Variants in ZNHIT2 observed in about 807,000 individuals in gnomAD.
The protein encoded by ZNHIT2 is zinc finger HIT domain-containing protein 2.
A neutral mutation model predicts 18.0 loss-of-function variants in ZNHIT2; 16 were observed. The observed-to-expected ratio is 0.89, with a 90% CI of 0.60 to 1.35. ZNHIT2 has a LOEUF of 1.35. Among genes scored for constraint, ZNHIT2 ranks in the 40% most tolerant of loss-of-function variants. ZNHIT2 has a pLI of 0.00. For missense variants in ZNHIT2, 631 were observed against 566.4 expected, an observed-to-expected ratio of 1.11 and a Z score of -1.16; for synonymous variants, 336 against 269.8, an observed-to-expected ratio of 1.25 and a Z score of -2.41.
rs1546532 is a variant in ZNHIT2 at position 65,116,580 on chromosome 11, G to A, written c.1074C>T (p.Ala358=). 1,487,207 of 1,602,710 alleles carry A rather than the reference G, an allele frequency of 0.93. 691,227 individuals are homozygous for A. The highest frequency in any genetic ancestry group is 0.96 in the Middle Eastern group (5,813 of 6,028). The change falls in exon 1 of 1, where the codon GCC becomes GCT. Residue 358 remains alanine (A), a synonymous_variant. Coordinates refer to ENST00000310597, the MANE Select transcript of ZNHIT2 (RefSeq NM_014205.4). Reference sequence around the variant, plus strand: ...CTTGGTGAGCCCTGGCGCAGTCTAGGGCCAGGGGTGTGAGGGCCGCCTCAT... The same window carrying A: ...CTTGGTGAGCCCTGGCGCAGTCTAGAGCCAGGGGTGTGAGGGCCGCCTCAT... ...NENEAALTPL[A]LDCARAHQAH... is the part of the protein sequence containing the mutation.
At position 65,117,483 on chromosome 11, in the gene ZNHIT2, G is replaced by A; in HGVS notation, c.171C>T (p.Cys57=). 6.4e-7 allele frequency: 1 copy of A among 1,568,972 alleles called. No individual in the cohort carries two copies. Among genetic ancestry groups the A allele is most frequent in the Non-Finnish European group, 8.6e-7 (1 of 1,166,696 alleles). ...RDQVLGELRG[C]SAPPSRLASA... ...TTGCTAGGCGGCTGGGAGGAGCGCT[G>A]CAACCGCGGAGCTCTCCCAGCACCT... Residue 57 remains cysteine (C), a synonymous_variant, in exon 1 of 1, where the codon TGC becomes TGT. Transcript: ENST00000310597.
At position 65,117,559 on chromosome 11, in the gene ZNHIT2, AGCGAGCAGTAGG is replaced by A. The variant is rs1387301835; in HGVS notation, c.83_94del (p.Pro28_Ser31del). The A allele has an allele frequency of 7.6e-6, 12 of 1,586,250 alleles. No individual in the cohort carries two copies. Among genetic ancestry groups the A allele is most frequent in the Non-Finnish European group, 1.0e-5 (12 of 1,173,930 alleles). On this transcript the variant is annotated inframe_deletion, in exon 1 of 1. Transcript: ENST00000310597. ...GGTGCCATGCGTCCGGTAGCAGCGCAGCGAGCAGTAGGGCGCATTACAGCGAGGGCAGGTGTA... is the reference window on the plus strand; with the variant it reads ...GGTGCCATGCGTCCGGTAGCAGCGCAGCGCATTACAGCGAGGGCAGGTGTA...
chr11:65,117,454 G>A lies in ZNHIT2; in HGVS notation c.200C>T (p.Ala67Val), dbSNP rs754527175. Residue 67 changes from alanine (A) to valine (V), a missense_variant, in exon 1 of 1, where the codon GCC becomes GTC. By Grantham distance (64) the Ala-to-Val change is moderately conservative (BLOSUM62 0). Transcript: ENST00000310597. ...CSAPPSRLAS[A>V]LRRLRQQRET... ...GCGTTGCTGACGCAGCCGGCGTAGG[G>A]CGCTTGCTAGGCGGCTGGGAGGAGC... 7.8e-6 allele frequency: 12 copies of A among 1,534,552 alleles called. No homozygotes were observed. The highest frequency in any genetic ancestry group is 1.7e-4 in the Middle Eastern group (1 of 5,866).
In ZNHIT2 at chr11:65,117,039, G is replaced by C. The variant is rs1450984796; in HGVS notation, c.615C>G (p.Gly205=). ...GGAAGCGCACGAGCGGCGAGACTGGGCCGCGGCTCAGGCTGACTATCGCGG... is the reference window on the plus strand; with the variant it reads ...GGAAGCGCACGAGCGGCGAGACTGGCCCGCGGCTCAGGCTGACTATCGCGG... The part of the protein sequence containing the change: ...RIPAIVSLSR[G]PVSPLVRFQL... The change falls in exon 1 of 1, where the codon GGC becomes GGG. Residue 205 remains glycine (G), a synonymous_variant. Coordinates refer to ENST00000310597, the MANE Select transcript of ZNHIT2 (RefSeq NM_014205.4). 6.3e-7 allele frequency: 1 copy of C among 1,595,084 alleles called. No individual in the cohort carries two copies. The highest frequency in any genetic ancestry group is 8.5e-7 in the Non-Finnish European group (1 of 1,173,260).
chr11:65,116,919 G>T lies in ZNHIT2; in HGVS notation c.735C>A (p.Leu245=). 4 of 1,596,884 alleles carry T rather than the reference G, an allele frequency of 2.5e-6. No individual in the cohort carries two copies. The highest frequency in any genetic ancestry group is 2.6e-6 in the Non-Finnish European group (3 of 1,176,330). ...GGGCACCCAGGGCTCCGGAAACGCC[G>T]AGCAGTGTGGCACAGAAGTCAGAGA... The part of the protein sequence containing the change: ...ALLSDFCATL[L]GVSGALGAQQ... Residue 245 remains leucine, a synonymous_variant, in exon 1 of 1, where the codon CTC becomes CTA. Coordinates refer to ENST00000310597, the MANE Select transcript of ZNHIT2 (RefSeq NM_014205.4).
Position 65,116,976 on chromosome 11 carries a change from G to C in ZNHIT2, c.678C>G (p.Leu226=), listed in dbSNP as rs754167892. ...CGTCGTCACCGCCGTGATACAGGGC[G>C]AGAGTATGCGCGTAGGCGAACAGCA... The part of the protein sequence containing the change: ...PNVLFAYAHT[L]ALYHGGDDAL... Residue 226 remains leucine (L), a synonymous_variant, in exon 1 of 1, where the codon CTC becomes CTG. Transcript: ENST00000310597. The C allele has an allele frequency of 6.2e-7, 1 of 1,602,470 alleles. No homozygotes were observed. Among genetic ancestry groups the C allele is most frequent in the South Asian group, 1.1e-5 (1 of 90,456 alleles).
Position 65,116,472 on chromosome 11 carries a change from TG to T in ZNHIT2, c.1181del (p.Pro394GlnfsTer?). 1 of 1,515,000 alleles carries T rather than the reference TG, an allele frequency of 6.6e-7. No individual in the cohort carries two copies. The highest frequency in any genetic ancestry group is 2.3e-5 in the East Asian group (1 of 43,812). The allele number at this position is 1,515,000 out of a possible 1,614,324, so 93.8% of individuals were successfully genotyped here. On this transcript the variant is annotated frameshift_variant, in exon 1 of 1. Coordinates refer to ENST00000310597, the MANE Select transcript of ZNHIT2 (RefSeq NM_014205.4). LOFTEE classifies it high-confidence loss of function. ...RLWGGPVPPA[P>X]RTLIEELPS ...TAGGGAGCTCCTCAATGAGAGTTCT[TG>T]GGGCAGGTGGCACGGGGCCTCCCCA...
Position 65,116,725 on chromosome 11 carries a change from A to C in ZNHIT2, c.929T>G (p.Leu310Arg). Residue 310 changes from leucine (L) to arginine (R), a missense_variant, in exon 1 of 1, where the codon CTG becomes CGG. Coordinates refer to ENST00000310597, the MANE Select transcript of ZNHIT2 (RefSeq NM_014205.4). ...TNQKGYTLAA[L>R]GDLAQTLGRA... The stretch of plus-strand genomic sequence containing the variant: ...GCCCAGGGTCTGTGCCAGGTCCCCC[A>C]GTGCTGCCAGCGTGTAGCCTTTCTG... 1 of 1,612,816 alleles carries C rather than the reference A, an allele frequency of 6.2e-7. No individual in the cohort carries two copies. The highest frequency in any genetic ancestry group is 8.5e-7 in the Non-Finnish European group (1 of 1,179,294).
chr11:65,116,915 C>T lies in ZNHIT2; in HGVS notation c.739G>A (p.Val247Ile), dbSNP rs375067810. ...TGCTGGGCACCCAGGGCTCCGGAAA[C>T]GCCGAGCAGTGTGGCACAGAAGTCA... ...LSDFCATLLG[V>I]SGALGAQQVF... Residue 247 changes from valine (V) to isoleucine (I), a missense_variant, in exon 1 of 1, where the codon GTT becomes ATT. Transcript: ENST00000310597. 5 of 1,596,710 alleles carry T rather than the reference C, an allele frequency of 3.1e-6. No homozygotes were observed. Among genetic ancestry groups the T allele is most frequent in the East Asian group, 2.2e-5 (1 of 44,570 alleles).
rs1196249338 is a variant in ZNHIT2, at chr11:65,117,588, G to A, written c.66C>T (p.Cys22=). 3.8e-6 allele frequency: 6 copies of A among 1,562,250 alleles called. No individual in the cohort carries two copies. The African/African-American group carries it at 5.5e-5, about 14-fold the overall frequency. ...AGCAGTAGGGCGCATTACAGCGAGG[G>A]CAGGTGTAACGCGCTGGCTGGACCT... is the stretch of plus-strand genomic sequence containing the variant. ...AGEVQPARYT[C]PRCNAPYCSL... is the part of the protein sequence containing the mutation. The change falls in exon 1 of 1, where the codon TGC becomes TGT. Residue 22 remains cysteine, a synonymous_variant. Transcript: ENST00000310597.
At position 65,117,698 on chromosome 11, in the gene ZNHIT2, G is replaced by T. The variant is rs927488661; in HGVS notation, c.-45C>A. 5.9e-6 allele frequency: 8 copies of T among 1,359,246 alleles called. No homozygotes were observed. The highest frequency in any genetic ancestry group is 9.4e-7 in the Non-Finnish European group (1 of 1,059,460). 84.2% of individuals were successfully genotyped at this position (1,359,246 alleles called of 1,614,324 possible). A position where few individuals can be genotyped will look rare whatever the true frequency, so the allele number is the denominator to read the frequency against. On this transcript the variant is annotated 5_prime_UTR_variant, in exon 1 of 1. Transcript: ENST00000310597. ...TACCTGCGAACGCACGCCGGTGGTA[G>T]TTCGAAACTTCCGGGGCTTCTTCGA...
At position 65,117,289 on chromosome 11, in the gene ZNHIT2, AGCC is replaced by A; in HGVS notation, c.362_364del (p.Arg121del). 1 of 1,487,812 alleles carries A rather than the reference AGCC, an allele frequency of 6.7e-7. No homozygotes were observed. 92.2% of individuals were successfully genotyped at this position (1,487,812 alleles called of 1,614,324 possible). ...CCACCACGGCCGCCATGGAGGCAGCAGCCGCCCGGCCTCACCGCGGCTCAGCAG... is the reference window on the plus strand; with the variant it reads ...CCACCACGGCCGCCATGGAGGCAGCAGCCCGGCCTCACCGCGGCTCAGCAG... On this transcript the variant is annotated inframe_deletion, in exon 1 of 1. Transcript: ENST00000310597.
chr11:65,117,211 C>T lies in ZNHIT2; in HGVS notation c.443G>A (p.Gly148Asp), dbSNP rs542986811. 3.3e-4 allele frequency: 503 copies of T among 1,535,534 alleles called. 7 individuals are homozygous for T. In the South Asian group the frequency reaches 5.5e-3, roughly 17 times the overall value. ...GAGCTCCAGCTCCGCGGCGTCACTACCCGGGGCATTATCCAGCTCCTCCAG... is the reference window on the plus strand; with the variant it reads ...GAGCTCCAGCTCCGCGGCGTCACTATCCGGGGCATTATCCAGCTCCTCCAG... Reference protein sequence around the residue: ...QLLEELDNAPGSDAAELELAP... With the variant: ...QLLEELDNAPDSDAAELELAP... Residue 148 changes from glycine (G) to aspartate (D), a missense_variant, in exon 1 of 1, where the codon GGT becomes GAT. By Grantham distance (94) the Gly-to-Asp change is moderately conservative (BLOSUM62 -1). Transcript: ENST00000310597.
At position 65,117,660 on chromosome 11, in the gene ZNHIT2, T is replaced by A; in HGVS notation, c.-7A>T. ...AGGGCCCGGCCGGCTCCATGGCAAC[T>A]GGCACCGCGATCTACCTGCGAACGC... is the stretch of plus-strand genomic sequence containing the variant. On this transcript the variant is annotated 5_prime_UTR_variant, in exon 1 of 1. Coordinates refer to ENST00000310597, the MANE Select transcript of ZNHIT2 (RefSeq NM_014205.4). The A allele has an allele frequency of 7.3e-7, 1 of 1,376,502 alleles. No individual in the cohort carries two copies. Among genetic ancestry groups the A allele is most frequent in the Non-Finnish European group, 9.4e-7 (1 of 1,066,650 alleles). 85.3% of individuals were successfully genotyped at this position (1,376,502 alleles called of 1,614,324 possible). A position where few individuals can be genotyped will look rare whatever the true frequency, so the allele number is the denominator to read the frequency against.
Position 65,117,472 on chromosome 11 carries a change from G to C in ZNHIT2, c.182C>G (p.Pro61Arg). Reference protein sequence around the residue: ...LGELRGCSAPPSRLASALRRL... With the variant: ...LGELRGCSAPRSRLASALRRL... ...GCGTAGGGCGCTTGCTAGGCGGCTGGGAGGAGCGCTGCAACCGCGGAGCTC... is the reference window on the plus strand; with the variant it reads ...GCGTAGGGCGCTTGCTAGGCGGCTGCGAGGAGCGCTGCAACCGCGGAGCTC... Residue 61 changes from proline to arginine, a missense_variant, in exon 1 of 1, where the codon CCC (proline) becomes CGC (arginine). By Grantham distance (103) the Pro-to-Arg change is moderately radical. Transcript: ENST00000310597. 4.5e-6 allele frequency: 7 copies of C among 1,556,854 alleles called. No homozygotes were observed. Among genetic ancestry groups the C allele is most frequent in the Non-Finnish European group, 5.2e-6 (6 of 1,160,552 alleles).
In ZNHIT2 at chr11:65,117,600, C is replaced by A. The variant is rs1948008653; in HGVS notation, c.54G>T (p.Ala18=). Residue 18 remains alanine (A), a synonymous_variant, in exon 1 of 1, where the codon GCG becomes GCT. Transcript: ENST00000310597. ...GFCPAGEVQP[A]RYTCPRCNAP... The stretch of plus-strand genomic sequence containing the variant: ...CATTACAGCGAGGGCAGGTGTAACG[C>A]GCTGGCTGGACCTCCCCCGCCGGGC... 1.3e-6 allele frequency: 2 copies of A among 1,534,046 alleles called. No homozygotes were observed. The highest frequency in any genetic ancestry group is 8.7e-7 in the Non-Finnish European group (1 of 1,147,910).
rs1030106999 is a variant in ZNHIT2, at chr11:65,116,646, G to A, written c.1008C>T (p.Ala336=). The change falls in exon 1 of 1, where the codon GCC becomes GCT. Residue 336 remains alanine, a synonymous_variant. Coordinates refer to ENST00000310597, the MANE Select transcript of ZNHIT2 (RefSeq NM_014205.4). The part of the protein sequence containing the change: ...AREERDHLYR[A]RKKCQFLLAW... ...CCAGGAGGAACTGGCACTTTTTCCG[G>A]GCCCGGTAAAGATGATCTCGCTCTT... 6.2e-7 allele frequency: 1 copy of A among 1,614,098 alleles called. No homozygotes were observed. The highest frequency in any genetic ancestry group is 8.5e-7 in the Non-Finnish European group (1 of 1,180,008).
rs368051543 is a variant in ZNHIT2, at chr11:65,116,919, G to A, written c.735C>T (p.Leu245=). Residue 245 remains leucine (L), a synonymous_variant, in exon 1 of 1, where the codon CTC becomes CTT. Transcript: ENST00000310597. ...GGGCACCCAGGGCTCCGGAAACGCC[G>A]AGCAGTGTGGCACAGAAGTCAGAGA... The part of the protein sequence containing the change: ...ALLSDFCATL[L]GVSGALGAQQ... 2.1e-5 allele frequency: 33 copies of A among 1,596,766 alleles called. No homozygotes were observed. In the African/African-American group the frequency reaches 3.3e-4, roughly 16 times the overall value.
Position 65,117,546 on chromosome 11 carries a change from C to T in ZNHIT2, c.108G>A (p.Arg36=), listed in dbSNP as rs766134372. The change falls in exon 1 of 1, where the codon CGG becomes CGA. Residue 36 remains arginine (R), a synonymous_variant. Transcript: ENST00000310597. ...NAPYCSLRCY[R]THGTCAENFY... ...AGTTTTCTGCGCAGGTGCCATGCGTCCGGTAGCAGCGCAGCGAGCAGTAGG... is the reference window on the plus strand; with the variant it reads ...AGTTTTCTGCGCAGGTGCCATGCGTTCGGTAGCAGCGCAGCGAGCAGTAGG... 21 of 1,590,266 alleles carry T rather than the reference C, an allele frequency of 1.3e-5. No homozygotes were observed. The South Asian group carries it at 2.0e-4, about 15-fold the overall frequency.
Sources: allele counts gnomAD v4.1 joint callset, GRCh38; gene constraint gnomAD v4.1.1; transcripts MANE v1.5; gene names NCBI Gene and HGNC (gene_info 2026-07-23, HGNC 2026-07-21).